The following BET1 variants were observed in gnomAD, a reference collection of about 807,000 sequenced individuals.
BET1 encodes Bet1 golgi vesicular membrane trafficking protein.
BET1 carries 9 observed loss-of-function variants against 13.9 expected under a neutral mutation model. The ratio of observed to expected loss-of-function variants is 0.65; its 90% CI spans 0.39 to 1.13. The LOEUF is 1.13. Ranked by LOEUF, BET1 falls within the 50% of genes most tolerant of loss-of-function variation. BET1 has a pLI of 0.01. For missense variants in BET1, 127 were observed against 133.6 expected (o/e 0.95, Z 0.24); for synonymous variants, 39 against 47.3 (o/e 0.82, Z 0.72).
At chr7:93,967,696 TA>T (rs1007076244) in intron 6 of BET1, among the ~76,000 whole-genome samples, 40 of 151,974 alleles carry the variant, frequency 2.6e-4, no homozygotes, top group African/African-American at 9.1e-4. Flanking sequence ...TACTGAAGGA[TA>T]AAAATGGCTC....
chr7:93,996,821 A>G (rs1795780902), intron 2 of BET1, among the ~76,000 whole-genome samples: 1 of 151,790 alleles, frequency 6.6e-6, no homozygotes, highest in African/African-American at 2.4e-5. Context: ...TATTTCGTCA[A>G]CCAAGAATTA....
chr7:93,967,899 G>A (rs1795200129), intron 6 of BET1, among the ~76,000 whole-genome samples: 1 of 151,676 alleles, frequency 6.6e-6, no homozygotes, highest in African/African-American at 2.4e-5. Flanking sequence ...GCCCATAAAG[G>A]AAACAACCAA....
chr7:93,974,462 C>T (rs1020081678), intron 5 of BET1, among the ~76,000 whole-genome samples: 1 of 151,734 alleles, frequency 6.6e-6, no homozygotes, highest in Admixed American at 6.6e-5. Context: ...GCAGGAAGTA[C>T]GACAGTGCTC....
chr7:93,963,982 C>A (rs1327691529), exon 7 of BET1: 3 of 151,982 alleles, frequency 2.0e-5, no homozygotes, highest in Non-Finnish European at 4.4e-5. Context: ...AGGAGAATCG[C>A]TTAAACTCAG....
At chr7:93,978,554 C>T (rs924912921) in intron 4 of BET1, among the ~76,000 whole-genome samples, 1 of 152,082 alleles carries the variant, frequency 6.6e-6, no homozygotes, top group Non-Finnish European at 1.5e-5. Context: ...TAAGAATTTG[C>T]CTTTACTAGT....
intron 5 of BET1, among the ~76,000 whole-genome samples, chr7:93,975,604 G>C (rs1323089368): frequency 6.6e-6 from 1 of 152,060 alleles, no homozygotes; most frequent in African/African-American, 2.4e-5. Flanking sequence ...ATTAGAAAGT[G>C]TCTGTAAGCT....
At chr7:93,996,468 T>C (rs1462783309) in intron 2 of BET1, 147 bp from the exon 3 acceptor site, 2 of 538,958 alleles carry the variant, frequency 3.7e-6, no homozygotes, top group East Asian at 6.4e-5. Context: ...ATACTTTTTC[T>C]ACCAAGATCA....
chr7:93,977,735 A>T (rs969385617), intron 4 of BET1, among the ~76,000 whole-genome samples: 2 of 152,098 alleles, frequency 1.3e-5, no homozygotes, highest in Middle Eastern at 3.2e-3. Flanking sequence ...TTGTAAACAG[A>T]AATAAAACTG....
chr7:93,987,719 GA>G (rs999667904), intron 4 of BET1, among the ~76,000 whole-genome samples: 1 of 152,024 alleles, frequency 6.6e-6, no homozygotes, highest in Non-Finnish European at 1.5e-5. Flanking sequence ...TGAGTTTAGA[GA>G]AAAAAAGTTT....
chr7:93,988,483 TA>T (rs1795569732), downstream of BET1, among the ~76,000 whole-genome samples: 1 of 152,198 alleles, frequency 6.6e-6, no homozygotes, highest in Non-Finnish European at 1.5e-5. Flanking sequence ...AACAAAAATT[TA>T]AGTCATGAGT....
chr7:93,974,820 AT>A (rs1182800741), intron 5 of BET1, among the ~76,000 whole-genome samples: 1 of 152,070 alleles, frequency 6.6e-6, no homozygotes, highest in Non-Finnish European at 1.5e-5. Context: ...CAAAATATTT[AT>A]TAATTAAAAA....
intron 1 of BET1, among the ~76,000 whole-genome samples, chr7:94,003,875 G>T (rs1287565564): frequency 6.6e-6 from 1 of 151,946 alleles, no homozygotes; most frequent in Non-Finnish European, 1.5e-5. Context: ...TCGGGCTTTG[G>T]AAAACATAGC....
At chr7:93,972,407 C>T (rs1044152924) in intron 6 of BET1, 1 of 151,800 alleles carries the variant, frequency 6.6e-6, no homozygotes, top group Non-Finnish European at 1.5e-5. Flanking sequence ...TTATTTGTTC[C>T]TAATAACAAC....
intron 4 of BET1, among the ~76,000 whole-genome samples, chr7:93,979,017 C>T (rs1214488870): frequency 6.6e-6 from 1 of 152,210 alleles, no homozygotes; most frequent in Non-Finnish European, 1.5e-5. Context: ...CTGGATGCCA[C>T]ACCTATCCCT....
At chr7:93,992,858 C>T (rs1236988686), downstream of BET1, 12 of 973,398 alleles carry the variant, frequency 1.2e-5, no homozygotes, top group Non-Finnish European at 1.5e-5. Context: ...GAACCCAGGT[C>T]ATCTAACTCA....
rs377612598 is a variant in BET1 at position 93,988,145 on chromosome 7, A to G, written c.235+6207T>C. Among the ~76,000 whole-genome samples the G allele has an allele frequency of 2.8e-4, 42 of 152,324 alleles. No homozygotes were observed. In the South Asian group the frequency reaches 8.7e-3, roughly 32 times the overall value. Reference sequence around the variant, plus strand: ...AGAAAAGATGAAAACCAAAGCATCAATTTATTCAGCAAACACTTGTTGGGA... The same window carrying G: ...AGAAAAGATGAAAACCAAAGCATCAGTTTATTCAGCAAACACTTGTTGGGA... On this transcript the variant is annotated intron_variant and NMD_transcript_variant, in intron 4 of 6. Transcript: ENST00000357520.
intron 2 of BET1, among the ~76,000 whole-genome samples, chr7:93,998,184 G>A (rs940199688): frequency 2.6e-5 from 4 of 152,166 alleles, no homozygotes; most frequent in African/African-American, 9.7e-5. Context: ...GATCTCAAAA[G>A]CTAAGGCCAA....
chr7:93,987,563 TG>T (rs143133506), intron 4 of BET1, among the ~76,000 whole-genome samples: 96 of 152,214 alleles, frequency 6.3e-4, no homozygotes, highest in African/African-American at 2.3e-3. Context: ...GTTCTACAAC[TG>T]GGTTTCCGTA....
At chr7:93,967,978 T>C (rs1035465344) in intron 6 of BET1, among the ~76,000 whole-genome samples, 2 of 151,832 alleles carry the variant, frequency 1.3e-5, no homozygotes, top group African/African-American at 4.8e-5. Context: ...GTTTGCTTCA[T>C]GTGGGATGTT....
Sources: gnomAD v4.1 joint callset for allele counts (sites outside exome capture counted in the v4.1 genomes callset) on GRCh38, gnomAD v4.1.1 for gene constraint, MANE v1.5 for transcripts, NCBI Gene and HGNC (gene_info 2026-07-23, HGNC 2026-07-21) for gene names.